Variants in TMEM178B observed in about 807,000 individuals in gnomAD.
TMEM178B encodes the protein transmembrane protein 178B.
TMEM178B carries 5 observed loss-of-function variants against 31.0 expected under a neutral mutation model. The ratio of observed to expected loss-of-function variants is 0.16; its 90% CI spans 0.08 to 0.34. The LOEUF (loss-of-function observed/expected upper bound fraction) is 0.34, where lower values mean the gene tolerates loss of function less well. TMEM178B is among the 10% of genes least tolerant of loss of function. TMEM178B has a pLI of 1.00. For missense variants in TMEM178B, 275 were observed against 400.3 expected, an observed-to-expected ratio of 0.69 and a Z score of 2.67; for synonymous variants, 164 against 164.0, an observed-to-expected ratio of 1.00 and a Z score of 0.00.
intron 2 of TMEM178B, among the ~76,000 whole-genome samples, chr7:141,240,839 G>T (rs1230086188): frequency 1.3e-5 from 2 of 152,000 alleles, no homozygotes; most frequent in Non-Finnish European, 2.9e-5. Context: ...CCTCCTCCTT[G>T]TGATTTGGTA....
intron 1 of TMEM178B, among the ~76,000 whole-genome samples, chr7:141,119,916 G>A (rs1795382583): frequency 6.6e-6 from 1 of 152,214 alleles, no homozygotes; most frequent in South Asian, 2.1e-4. Flanking sequence ...GGGATTAAAA[G>A]TGTTATCATC....
At chr7:141,385,206 T>A (rs1252490800) in intron 2 of TMEM178B, among the ~76,000 whole-genome samples, 1 of 152,250 alleles carries the variant, frequency 6.6e-6, no homozygotes, top group African/African-American at 2.4e-5. Flanking sequence ...CTGTTCCTGA[T>A]GTTTCATGGT....
chr7:141,145,744 C>G lies in TMEM178B; in HGVS notation c.383-66847C>G, dbSNP rs150140549. Among the ~76,000 whole-genome samples, 582 of 152,348 alleles carry G rather than the reference C, an allele frequency of 3.8e-3. 5 individuals are homozygous for G. Among genetic ancestry groups the G allele is most frequent in the African/African-American group, 0.011 (457 of 41,580 alleles). Reference sequence around the variant, plus strand: ...TTAGGCCCCCTTAATGCTGATGCAGCTGTTGAGAACTGAATTGCCTTCAGG... The same window carrying G: ...TTAGGCCCCCTTAATGCTGATGCAGGTGTTGAGAACTGAATTGCCTTCAGG... On this transcript the variant is annotated intron_variant, in intron 1 of 3. Coordinates refer to ENST00000565468, the MANE Select transcript of TMEM178B (RefSeq NM_001195278.2).
chr7:141,447,129 G>A (rs965030283), intron 3 of TMEM178B, among the ~76,000 whole-genome samples: 3 of 152,080 alleles, frequency 2.0e-5, no homozygotes. Flanking sequence ...AAGTCCTCAG[G>A]AAGCTTACGT....
chr7:141,312,183 G>A (rs531085339), intron 2 of TMEM178B, among the ~76,000 whole-genome samples: 1 of 152,318 alleles, frequency 6.6e-6, no homozygotes, highest in African/African-American at 2.4e-5. Context: ...AAATTGAAGT[G>A]AATATCCAAC....
intron 2 of TMEM178B, among the ~76,000 whole-genome samples, chr7:141,254,542 A>AC (rs940915843): frequency 7.9e-5 from 12 of 151,966 alleles, no homozygotes; most frequent in Admixed American, 7.9e-4. Flanking sequence ...ACATGGTGAC[A>AC]CCCCATCTCT....
At chr7:141,423,411 T>G (rs895376516) in intron 2 of TMEM178B, among the ~76,000 whole-genome samples, 5 of 152,220 alleles carry the variant, frequency 3.3e-5, no homozygotes, top group Non-Finnish European at 7.3e-5. Flanking sequence ...TATTGAGATA[T>G]TTTACAAAAA....
intron 2 of TMEM178B, among the ~76,000 whole-genome samples, chr7:141,235,036 C>T (rs1194898096): frequency 3.3e-5 from 5 of 152,268 alleles, no homozygotes; most frequent in African/African-American, 4.8e-5. Context: ...ATTTTCATTT[C>T]AATATGAGTA....
chr7:141,149,175 T>C (rs1414128766), intron 1 of TMEM178B, among the ~76,000 whole-genome samples: 1 of 152,094 alleles, frequency 6.6e-6, no homozygotes, highest in Admixed American at 6.5e-5. Flanking sequence ...TGATGTTGGG[T>C]TGGACTAGAT....
At chr7:141,437,845 G>A (rs1801577170) in intron 3 of TMEM178B, 100 bp downstream of exon 3, 27 of 1,453,498 alleles carry the variant, frequency 1.9e-5, no homozygotes, top group Admixed American at 1.3e-4. Context: ...GGACCATGAC[G>A]TGACTGGGGT....
At chr7:141,403,954 C>A (rs1365697063) in intron 2 of TMEM178B, among the ~76,000 whole-genome samples, 1 of 152,160 alleles carries the variant, frequency 6.6e-6, no homozygotes, top group Non-Finnish European at 1.5e-5. Context: ...GTGTTTACCC[C>A]CAATGTGTTA....
At chr7:141,223,556 G>A (rs1797290426) in intron 2 of TMEM178B, among the ~76,000 whole-genome samples, 1 of 150,486 alleles carries the variant, frequency 6.6e-6, no homozygotes. Flanking sequence ...GAGGCCTGCA[G>A]GCTTCTGGGT....
chr7:141,349,116 G>T (rs544416431), intron 2 of TMEM178B, among the ~76,000 whole-genome samples: 1 of 152,156 alleles, frequency 6.6e-6, no homozygotes, highest in Non-Finnish European at 1.5e-5. Context: ...TATTGTTATT[G>T]GTTCATAAAT....
chr7:141,367,599 G>C (rs757369054), intron 2 of TMEM178B, among the ~76,000 whole-genome samples: 10 of 152,140 alleles, frequency 6.6e-5, no homozygotes, highest in Non-Finnish European at 1.3e-4. Context: ...TTAGGACCCA[G>C]GCATGATGCT....
chr7:141,124,934 T>C (rs570391137), intron 1 of TMEM178B, among the ~76,000 whole-genome samples: 1 of 152,342 alleles, frequency 6.6e-6, no homozygotes, highest in Admixed American at 6.5e-5. Context: ...AAGACAAAAT[T>C]GTAAGAAAGC....
At chr7:141,227,502 T>C (rs57310432) in intron 2 of TMEM178B, among the ~76,000 whole-genome samples, 12,235 of 152,260 alleles carry the variant, frequency 0.08, 753 homozygotes, top group African/African-American at 0.16. Context: ...ATTATTATTA[T>C]ATCTGTTTGA....
chr7:141,163,757 G>A (rs1796216212), intron 1 of TMEM178B, among the ~76,000 whole-genome samples: 1 of 152,044 alleles, frequency 6.6e-6, no homozygotes, highest in Non-Finnish European at 1.5e-5. Flanking sequence ...CAAGTGGTGT[G>A]CCTGCCTCAA....
the TMEM178B span, among the ~76,000 whole-genome samples, chr7:141,497,957 C>T: frequency 1.7e-4 from 26 of 152,184 alleles, no homozygotes; most frequent in Non-Finnish European, 3.2e-4. Flanking sequence ...AGGGCAAGCT[C>T]AGTTTTTTTC....
At chr7:141,156,482 A>G (rs1423135626) in intron 1 of TMEM178B, among the ~76,000 whole-genome samples, 2 of 152,240 alleles carry the variant, frequency 1.3e-5, no homozygotes, top group Admixed American at 6.5e-5. Context: ...CACAGATTCA[A>G]AAATGAAAAA....
Sources: gnomAD v4.1 joint callset for allele counts (sites outside exome capture counted in the v4.1 genomes callset) on GRCh38, gnomAD v4.1.1 for gene constraint, MANE v1.5 for transcripts, NCBI Gene and HGNC (gene_info 2026-07-23, HGNC 2026-07-21) for gene names.